Variants in MTA3 observed in about 807,000 individuals in gnomAD.
MTA3 encodes metastasis-associated protein MTA3.
MTA3 carries 34 observed loss-of-function variants against 83.5 expected under a neutral mutation model. The ratio of observed to expected loss-of-function variants is 0.41; its 90% CI spans 0.31 to 0.54. MTA3 has a LOEUF of 0.54. Among genes scored for constraint, MTA3 ranks in the 20% least tolerant of loss-of-function variants. MTA3 has a pLI of 0.33. For missense variants in MTA3, 761 were observed against 726.4 expected (o/e 1.05, Z -0.55); for synonymous variants, 303 against 252.7 (o/e 1.20, Z -1.89).
chr2:42,712,179 T>C (rs1414821491), intron 14 of MTA3, among the ~76,000 whole-genome samples: 1 of 152,068 alleles, frequency 6.6e-6, no homozygotes, highest in Admixed American at 6.6e-5. Context: ...ACAAAAAAGG[T>C]CTTTGCAGAT....
At chr2:42,677,979 G>T (rs1313973157) in intron 8 of MTA3, among the ~76,000 whole-genome samples, 4 of 152,022 alleles carry the variant, frequency 2.6e-5, no homozygotes, top group African/African-American at 9.7e-5. Context: ...TGAATAATGG[G>T]GTACATACTA....
chr2:42,568,946 C>CCCCT (rs1396950065), intron 1 of MTA3, among the ~76,000 whole-genome samples, 173 bp downstream of exon 1: 2 of 147,538 alleles, frequency 1.4e-5, no homozygotes, highest in Non-Finnish European at 3.0e-5. Context: ...CCCATCCCTT[C>CCCCT]CCCTCCCCCC....
At chr2:42,508,230 A>T (rs1414853570) in intron 2 of MTA3, among the ~76,000 whole-genome samples, 1 of 151,904 alleles carries the variant, frequency 6.6e-6, no homozygotes, top group Non-Finnish European at 1.5e-5. Flanking sequence ...TAGCATATAA[A>T]CCTATTTTTT....
intron 2 of MTA3, among the ~76,000 whole-genome samples, chr2:42,539,954 C>G (rs1010952748): frequency 6.6e-6 from 1 of 152,118 alleles, no homozygotes; most frequent in Non-Finnish European, 1.5e-5. Flanking sequence ...TATCTCTCTT[C>G]CTGCTGTAGA....
intron 3 of MTA3, among the ~76,000 whole-genome samples, chr2:42,605,864 G>A (rs1320293220): frequency 1.5e-5 from 2 of 131,364 alleles, no homozygotes; most frequent in African/African-American, 5.8e-5. Context: ...CTCCCTCCTG[G>A]ACGGGGCGGT....
intron 2 of MTA3, among the ~76,000 whole-genome samples, chr2:42,545,924 T>C (rs1354553267): frequency 6.6e-6 from 1 of 152,108 alleles, no homozygotes; most frequent in Non-Finnish European, 1.5e-5. Context: ...GAAATTCTCT[T>C]AAGATGGGTA....
intron 2 of MTA3, among the ~76,000 whole-genome samples, chr2:42,506,862 C>T (rs1674655089): frequency 6.6e-6 from 1 of 152,020 alleles, no homozygotes; most frequent in African/African-American, 2.4e-5. Flanking sequence ...CCGTCTTGGC[C>T]TCCCAAAGTG....
At chr2:42,690,986 C>T (rs1164186708) in intron 9 of MTA3, among the ~76,000 whole-genome samples, 1 of 151,036 alleles carries the variant, frequency 6.6e-6, no homozygotes, top group East Asian at 1.9e-4. Context: ...AAGTGATTCT[C>T]CTGCCTCAGC....
chr2:42,498,989 G>A (rs1393551501), intron 2 of MTA3, among the ~76,000 whole-genome samples: 1 of 152,110 alleles, frequency 6.6e-6, no homozygotes, highest in Admixed American at 6.6e-5. Context: ...ATAGCACTAT[G>A]AGGTTATCCC....
intron 16 of MTA3, 71 bp from the exon 17 acceptor site, chr2:42,753,303 C>A (rs773735376): frequency 5.4e-5 from 84 of 1,547,700 alleles, no homozygotes; most frequent in Non-Finnish European, 7.3e-5. Flanking sequence ...GGGGTGAGTC[C>A]ATCCTCCCTT....
At chr2:42,719,123 G>C in intron 15 of MTA3, 49 bp downstream of exon 15, 1 of 1,372,958 alleles carries the variant, frequency 7.3e-7, no homozygotes, top group Non-Finnish European at 1.0e-6. Flanking sequence ...TTTCTGAATA[G>C]TATAGATATT....
chr2:42,624,610 G>A (rs897006751), intron 4 of MTA3, among the ~76,000 whole-genome samples: 2 of 152,228 alleles, frequency 1.3e-5, no homozygotes. Context: ...ACAGGTGTGA[G>A]CCACTGTGCC....
intron 11 of MTA3, among the ~76,000 whole-genome samples, chr2:42,700,060 G>A (rs956318197): frequency 1.3e-5 from 2 of 151,988 alleles, no homozygotes; most frequent in Admixed American, 1.3e-4. Context: ...TAACAGTGTT[G>A]GATGCTGGTG....
chr2:42,649,471 A>G (rs1308196063), intron 6 of MTA3, among the ~76,000 whole-genome samples: 2 of 152,088 alleles, frequency 1.3e-5, no homozygotes, highest in Non-Finnish European at 2.9e-5. Context: ...GAATTAAAAT[A>G]GTATATCTTT....
At chr2:42,742,606 A>T (rs1254993718) in intron 16 of MTA3, among the ~76,000 whole-genome samples, 1 of 152,178 alleles carries the variant, frequency 6.6e-6, no homozygotes, top group Non-Finnish European at 1.5e-5. Flanking sequence ...AAGAAGAGAA[A>T]ATTCACAGAA....
rs776006503 is a variant in MTA3 at position 42,615,815 on chromosome 2, G to A, written c.317+6231G>A. On this transcript the variant is annotated intron_variant, in intron 4 of 16. Transcript: ENST00000405094. ...GGCTCACTGCAAGCTCTGCCTCCCG[G>A]GTTCACGCCATTCTCCTGCCTGAAT... Among the ~76,000 whole-genome samples, 7 of 131,694 alleles carry A rather than the reference G, an allele frequency of 5.3e-5. No homozygotes were observed. In the South Asian group the frequency reaches 1.6e-3, roughly 29 times the overall value. The allele number at this position is 131,694 out of a possible 152,430, so 86.4% of individuals were successfully genotyped here.
chr2:42,600,151 T>G (rs777783668), intron 3 of MTA3, among the ~76,000 whole-genome samples: 1 of 152,024 alleles, frequency 6.6e-6, no homozygotes, highest in Non-Finnish European at 1.5e-5. Context: ...TGAGCCAAGG[T>G]CGCGCCACTG....
intron 4 of MTA3, among the ~76,000 whole-genome samples, chr2:42,613,197 G>C (rs1488408987): frequency 6.6e-6 from 1 of 152,164 alleles, no homozygotes; most frequent in African/African-American, 2.4e-5. Flanking sequence ...CATTTCCTGA[G>C]TATATTCTAG....
chr2:42,583,052 G>A (rs879580522), intron 3 of MTA3, among the ~76,000 whole-genome samples: 1 of 151,960 alleles, frequency 6.6e-6, no homozygotes, highest in Non-Finnish European at 1.5e-5. Flanking sequence ...TTCATTTTGT[G>A]TTATAGATAT....
Sources: allele counts gnomAD v4.1 joint callset (sites outside exome capture counted in the v4.1 genomes callset), GRCh38; gene constraint gnomAD v4.1.1; transcripts MANE v1.5; gene names NCBI Gene and HGNC (gene_info 2026-07-23, HGNC 2026-07-21).